The following IL1RAPL1 variants were observed in gnomAD, a reference collection of about 807,000 sequenced individuals.
The protein encoded by IL1RAPL1 is interleukin-1 receptor accessory protein-like 1.
A neutral mutation model predicts 48.4 loss-of-function variants in IL1RAPL1; 3 were observed. That is an observed-to-expected ratio of 0.06 (90% CI 0.03 to 0.16). The LOEUF (loss-of-function observed/expected upper bound fraction) is 0.16, where lower values mean the gene tolerates loss of function less well. Among genes scored for constraint, IL1RAPL1 ranks in the 10% least tolerant of loss-of-function variants. IL1RAPL1 has a pLI of 1.00. For synonymous variants in IL1RAPL1, 185 were observed against 187.7 expected, an observed-to-expected ratio of 0.99 and a Z score of 0.12; for missense variants, 349 against 530.6, an observed-to-expected ratio of 0.66 and a Z score of 3.36.
intron 5 of IL1RAPL1, among the ~76,000 whole-genome samples, chrX:29,631,302 A>G (rs1382283282): frequency 9.0e-6 from 1 of 110,813 alleles, no homozygotes; most frequent in Non-Finnish European, 1.9e-5. Context: ...ATCTAGTTTC[A>G]CTCTGTCACC....
intron 2 of IL1RAPL1, among the ~76,000 whole-genome samples, chrX:28,982,603 T>C (rs1214470723): frequency 9.0e-6 from 1 of 111,654 alleles, no homozygotes; most frequent in Admixed American, 9.5e-5. Context: ...AACGTTTTGC[T>C]TTTGAGAAAG....
intron 6 of IL1RAPL1, among the ~76,000 whole-genome samples, chrX:29,688,078 C>T (rs1019734473): frequency 1.1e-4 from 12 of 111,785 alleles, no homozygotes; most frequent in Middle Eastern, 4.7e-3. Context: ...CTTCTCAGAG[C>T]ATAGTAAAAA....
At chrX:28,623,328 T>C (rs951569073) in intron 1 of IL1RAPL1, among the ~76,000 whole-genome samples, 3 of 111,317 alleles carry the variant, frequency 2.7e-5, no homozygotes. Context: ...AAGGAGAGAA[T>C]TGTTATGTAT....
intron 2 of IL1RAPL1, among the ~76,000 whole-genome samples, chrX:29,269,810 G>A (rs1452595764): frequency 9.1e-6 from 1 of 110,482 alleles, no homozygotes; most frequent in Admixed American, 9.7e-5. Flanking sequence ...TAAAGTGAGC[G>A]ATTTGGTATG....
At chrX:29,385,992 CTTG>C (rs930340361) in intron 3 of IL1RAPL1, among the ~76,000 whole-genome samples, 2 of 112,160 alleles carry the variant, frequency 1.8e-5, no homozygotes, top group Admixed American at 9.4e-5. Flanking sequence ...CTTGCCAATA[CTTG>C]TTGTCCAACC....
At chrX:29,617,871 A>G (rs895936153) in intron 5 of IL1RAPL1, among the ~76,000 whole-genome samples, 112 of 111,907 alleles carry the variant, frequency 1.0e-3, no homozygotes, top group African/African-American at 3.4e-3. Flanking sequence ...TGCTTCCAAC[A>G]TTGAGATTTG....
At chrX:29,483,879 G>T (rs1935067572) in intron 5 of IL1RAPL1, among the ~76,000 whole-genome samples, 1 of 109,603 alleles carries the variant, frequency 9.1e-6, no homozygotes, top group Non-Finnish European at 1.9e-5. Context: ...TTTTAGTAAA[G>T]ACTGTGTTTT....
chrX:28,716,710 A>C (rs938296893), intron 1 of IL1RAPL1, among the ~76,000 whole-genome samples: 1 of 112,057 alleles, frequency 8.9e-6, no homozygotes, highest in African/African-American at 3.2e-5. Flanking sequence ...TCTGCACAGC[A>C]AAGTAACTAT....
intron 5 of IL1RAPL1, among the ~76,000 whole-genome samples, chrX:29,630,166 G>A (rs1460003992): frequency 1.8e-5 from 2 of 111,071 alleles, no homozygotes; most frequent in African/African-American, 6.6e-5. Flanking sequence ...CCCTCACATG[G>A]TGAAGGGAGA....
intron 3 of IL1RAPL1, among the ~76,000 whole-genome samples, chrX:29,333,931 C>T (rs1220224927): frequency 1.4e-5 from 1 of 70,594 alleles, no homozygotes; most frequent in Non-Finnish European, 2.9e-5. Flanking sequence ...GGGGGCTGAT[C>T]CCCCCACCTC....
chrX:29,941,866 GAA>G (rs201443780), intron 9 of IL1RAPL1, 72 bp downstream of exon 9: 3 of 999,578 alleles, frequency 3.0e-6, no homozygotes, highest in African/African-American at 3.7e-5. Context: ...TTATTAAGGG[GAA>G]AAAAATTACG....
intron 6 of IL1RAPL1, among the ~76,000 whole-genome samples, chrX:29,685,395 C>T (rs186039825): frequency 2.7e-5 from 3 of 110,159 alleles, no homozygotes; most frequent in African/African-American, 6.6e-5. Flanking sequence ...CCCAGCTACT[C>T]GGGAGGCTGA....
chrX:29,426,373 A>G (rs1934350078), intron 5 of IL1RAPL1, among the ~76,000 whole-genome samples: 2 of 111,607 alleles, frequency 1.8e-5, no homozygotes, highest in South Asian at 7.5e-4. Flanking sequence ...CTATTTTACA[A>G]ACGAACCAAT....
chrX:29,190,372 A>G (rs1930329722), intron 2 of IL1RAPL1, among the ~76,000 whole-genome samples: 1 of 111,861 alleles, frequency 8.9e-6, no homozygotes, highest in Non-Finnish European at 1.9e-5. Flanking sequence ...TGACTCTCCA[A>G]ATCGATTTCA....
chrX:29,225,967 G>T (rs775608345), intron 2 of IL1RAPL1, among the ~76,000 whole-genome samples: 1 of 111,330 alleles, frequency 9.0e-6, no homozygotes, highest in Non-Finnish European at 1.9e-5. Context: ...AAGTTGGGAG[G>T]GGGGGACCAT....
intron 2 of IL1RAPL1, among the ~76,000 whole-genome samples, chrX:28,939,839 T>G (rs765226910): frequency 1.8e-5 from 2 of 111,178 alleles, no homozygotes; most frequent in South Asian, 7.5e-4. Context: ...TTAGACAAAT[T>G]TAGTATGTTC....
intron 1 of IL1RAPL1, among the ~76,000 whole-genome samples, chrX:28,661,432 T>G (rs1285750303): frequency 8.9e-6 from 1 of 111,779 alleles, no homozygotes; most frequent in East Asian, 2.8e-4. Context: ...ATTCTAAATA[T>G]TTTTGCATAG....
intron 2 of IL1RAPL1, among the ~76,000 whole-genome samples, chrX:29,188,383 C>A (rs188982067): frequency 4.5e-5 from 5 of 111,280 alleles, no homozygotes; most frequent in Non-Finnish European, 9.4e-5. Context: ...TTAAGTTGAT[C>A]TGGAGGGACA....
chrX:29,152,717 A>C (rs1405955447), intron 2 of IL1RAPL1, among the ~76,000 whole-genome samples: 1 of 112,232 alleles, frequency 8.9e-6, no homozygotes, highest in Non-Finnish European at 1.9e-5. Flanking sequence ...AAACAGAAAA[A>C]TTCCAAATAT....
Sources: allele counts gnomAD v4.1 joint callset (sites outside exome capture counted in the v4.1 genomes callset), GRCh38; gene constraint gnomAD v4.1.1; transcripts MANE v1.5; gene names NCBI Gene and HGNC (gene_info 2026-07-23, HGNC 2026-07-21).